The following KCNAB1 variants were observed in gnomAD, a reference collection of about 807,000 sequenced individuals.
KCNAB1 encodes voltage-gated potassium channel subunit beta-1.
In KCNAB1, 35 loss-of-function variants were observed where a neutral mutation model predicts 64.6. The ratio of observed to expected loss-of-function variants is 0.54; its 90% CI spans 0.41 to 0.72. KCNAB1 has a LOEUF of 0.72. Ranked by LOEUF, KCNAB1 falls within the 30% of genes least tolerant of loss-of-function variation. KCNAB1 has a pLI of 0.00. For synonymous variants in KCNAB1, 177 were observed against 183.8 expected (o/e 0.96, Z 0.30); for missense variants, 401 against 512.9 (o/e 0.78, Z 2.11).
intron 1 of KCNAB1, chr3:156,291,883 G>A (rs756834632): frequency 6.2e-7 from 1 of 1,613,490 alleles, no homozygotes; most frequent in Admixed American, 1.7e-5. Flanking sequence ...GTTCTGAGAG[G>A]GACCGTGCGC....
chr3:156,486,132 G>A (rs1054326960), intron 8 of KCNAB1, among the ~76,000 whole-genome samples: 3 of 152,036 alleles, frequency 2.0e-5, no homozygotes, highest in Admixed American at 1.3e-4. Context: ...TATGTGAATA[G>A]CCTGTCCCCC....
At chr3:156,300,146 A>C (rs1298642953) in intron 1 of KCNAB1, among the ~76,000 whole-genome samples, 1 of 152,188 alleles carries the variant, frequency 6.6e-6, no homozygotes, top group Non-Finnish European at 1.5e-5. Context: ...TCCCATTCTC[A>C]TCCCAGCACC....
rs530465786 is a variant in KCNAB1 at position 156,496,982 on chromosome 3, G to C, written c.659-17382G>C. On this transcript the variant is annotated intron_variant, in intron 8 of 13. Coordinates refer to ENST00000490337, the MANE Select transcript of KCNAB1 (RefSeq NM_172160.3). Reference sequence around the variant, plus strand: ...GTGACAGTTGCCCAGCCACTACTGGGTCAGCCTCACATTTTAACATATAGA... The same window carrying C: ...GTGACAGTTGCCCAGCCACTACTGGCTCAGCCTCACATTTTAACATATAGA... Among the ~76,000 whole-genome samples, 4 of 152,220 alleles carry C rather than the reference G, an allele frequency of 2.6e-5. No individual in the cohort carries two copies. In the East Asian group the frequency reaches 7.7e-4, roughly 29 times the overall value.
chr3:156,411,041 G>GT (rs1438568858), intron 1 of KCNAB1, among the ~76,000 whole-genome samples: 1 of 152,162 alleles, frequency 6.6e-6, no homozygotes, highest in Non-Finnish European at 1.5e-5. Context: ...AAAGTGGGCT[G>GT]TACCATTTTG....
intron 1 of KCNAB1, among the ~76,000 whole-genome samples, chr3:156,294,825 T>G (rs13321669): frequency 0.16 from 24,676 of 152,178 alleles, 5,647 homozygotes; most frequent in African/African-American, 0.52. Flanking sequence ...GTCTTTTTGT[T>G]CATTTTTCTG....
intron 2 of KCNAB1, among the ~76,000 whole-genome samples, chr3:156,439,906 G>C (rs983609412): frequency 1.3e-5 from 2 of 152,224 alleles, no homozygotes; most frequent in African/African-American, 4.8e-5. Context: ...GTATTCAGGT[G>C]TGGTGGCTGG....
intron 1 of KCNAB1, among the ~76,000 whole-genome samples, chr3:156,213,203 C>T (rs1201267533): frequency 7.2e-6 from 1 of 139,292 alleles, no homozygotes; most frequent in Non-Finnish European, 1.5e-5. Context: ...GGAGTCCTAT[C>T]AGTCTCTTTC....
chr3:156,514,268 G>A, intron 8 of KCNAB1, 96 bp from the exon 9 acceptor site: 1 of 841,890 alleles, frequency 1.2e-6, no homozygotes, highest in Non-Finnish European at 2.0e-6. Flanking sequence ...ACAAACAATT[G>A]CATTAAGCTT....
At chr3:156,460,753 A>G (rs538272319) in intron 5 of KCNAB1, among the ~76,000 whole-genome samples, 1 of 152,330 alleles carries the variant, frequency 6.6e-6, no homozygotes, top group South Asian at 2.1e-4. Flanking sequence ...AATTTAGTCT[A>G]GAGAAAATGG....
chr3:156,403,850 C>T lies in KCNAB1; in HGVS notation c.276-17766C>T, dbSNP rs374374767. 3.3e-5 allele frequency among the ~76,000 whole-genome samples: 5 copies of T among 151,518 alleles called. No individual in the cohort carries two copies. The East Asian group carries it at 5.8e-4, about 18-fold the overall frequency. ...TGGAGGTTGCAGTGAGCTGAGATCA[C>T]GCCATTGCACTCCAGCCTGGGTGAC... On this transcript the variant is annotated intron_variant, in intron 1 of 13. Coordinates refer to ENST00000490337, the MANE Select transcript of KCNAB1 (RefSeq NM_172160.3).
chr3:156,369,037 A>G (rs1262229515), intron 1 of KCNAB1, among the ~76,000 whole-genome samples: 2 of 152,346 alleles, frequency 1.3e-5, no homozygotes, highest in East Asian at 1.9e-4. Context: ...AACCACAGGC[A>G]GGTCAAGATC....
At chr3:156,426,391 C>A (rs1715819131) in intron 2 of KCNAB1, among the ~76,000 whole-genome samples, 1 of 152,214 alleles carries the variant, frequency 6.6e-6, no homozygotes, top group African/African-American at 2.4e-5. Context: ...ACACCCCTAT[C>A]CCTACACATG....
intron 1 of KCNAB1, among the ~76,000 whole-genome samples, chr3:156,182,629 T>TCCCC (rs71138700): frequency 2.1e-3 from 248 of 120,462 alleles, no homozygotes; most frequent in Middle Eastern, 4.7e-3. Flanking sequence ...GGTTTTTTTT[T>TCCCC]CCCCCCCCCG....
At chr3:156,297,992 A>G (rs79655058) in intron 1 of KCNAB1, among the ~76,000 whole-genome samples, 1,727 of 152,266 alleles carry the variant, frequency 0.011, 33 homozygotes, top group African/African-American at 0.04. Context: ...GTTTTTTGGT[A>G]AAGAATACCG....
chr3:156,303,010 A>G (rs1721258999), intron 1 of KCNAB1, among the ~76,000 whole-genome samples: 1 of 152,182 alleles, frequency 6.6e-6, no homozygotes, highest in African/African-American at 2.4e-5. Flanking sequence ...CCCTTCCATA[A>G]AACTCACGCT....
chr3:156,347,083 A>G (rs1250689589), intron 1 of KCNAB1, among the ~76,000 whole-genome samples: 3 of 152,250 alleles, frequency 2.0e-5, no homozygotes, highest in African/African-American at 7.2e-5. Context: ...AATATAAAAC[A>G]TGTATTTATT....
At chr3:156,345,678 C>G (rs997892999) in intron 1 of KCNAB1, among the ~76,000 whole-genome samples, 1 of 152,150 alleles carries the variant, frequency 6.6e-6, no homozygotes, top group Non-Finnish European at 1.5e-5. Context: ...ACTTTGGTGG[C>G]TGGGGACAGC....
chr3:156,526,555 A>C (rs1718319845), intron 12 of KCNAB1, among the ~76,000 whole-genome samples: 1 of 152,228 alleles, frequency 6.6e-6, no homozygotes, highest in Non-Finnish European at 1.5e-5. Context: ...GGCTAGACAC[A>C]CGTTGCATGC....
At chr3:156,130,474 C>G (rs1399363720) in intron 1 of KCNAB1, among the ~76,000 whole-genome samples, 4 of 152,214 alleles carry the variant, frequency 2.6e-5, no homozygotes, top group African/African-American at 9.7e-5. Context: ...TTGATTCCTT[C>G]CCAATGATCC....
Sources: allele counts gnomAD v4.1 joint callset (sites outside exome capture counted in the v4.1 genomes callset), GRCh38; gene constraint gnomAD v4.1.1; transcripts MANE v1.5; gene names NCBI Gene and HGNC (gene_info 2026-07-23, HGNC 2026-07-21).